FOXP1: variants seen among roughly 807,000 people sequenced by gnomAD.
FOXP1 encodes the protein forkhead box P1, also known as forkhead box protein P1.
Under a neutral mutation model 98.2 loss-of-function variants are expected in FOXP1, and 15 were observed. The observed-to-expected ratio is 0.15, with a 90% CI of 0.10 to 0.24. FOXP1 has a LOEUF of 0.24. Among genes scored for constraint, FOXP1 ranks in the 10% least tolerant of loss-of-function variants. The probability of loss-of-function intolerance (pLI) is 1.00; values close to 1 mark genes in which losing one functional copy is unlikely to be tolerated. For missense variants in FOXP1, 633 were observed against 848.5 expected, an observed-to-expected ratio of 0.75 and a Z score of 3.15; for synonymous variants, 371 against 314.5, an observed-to-expected ratio of 1.18 and a Z score of -1.90.
chr3:71,321,384 A>G (rs2075383292), intron 4 of FOXP1, among the ~76,000 whole-genome samples: 1 of 152,204 alleles, frequency 6.6e-6, no homozygotes. Context: ...GAAATCTGGT[A>G]TGAGCCAGCC....
At position 71,425,855 on chromosome 3, in the gene FOXP1, T is replaced by C. The variant is rs60425923; in HGVS notation, c.-167-66611A>G. 3.3e-3 allele frequency among the ~76,000 whole-genome samples: 498 copies of C among 152,326 alleles called. 2 individuals are homozygous for C. Among genetic ancestry groups the C allele is most frequent in the African/African-American group, 0.012 (480 of 41,582 alleles). On this transcript the variant is annotated intron_variant, in intron 3 of 20. Transcript: ENST00000649528. Reference sequence around the variant, plus strand: ...TCATCCAACATGAAGGGCCATTAAATTGAGCTTATTCAAACTCTTGCAAAT... The same window carrying C: ...TCATCCAACATGAAGGGCCATTAAACTGAGCTTATTCAAACTCTTGCAAAT...
chr3:71,409,908 G>C (rs746923636), intron 3 of FOXP1, among the ~76,000 whole-genome samples: 2 of 152,166 alleles, frequency 1.3e-5, no homozygotes, highest in East Asian at 3.9e-4. Flanking sequence ...TCAGCTACCT[G>C]GAAGGGTGAG....
In FOXP1 at chr3:71,436,532, C is replaced by T. The variant is rs140039959; in HGVS notation, c.-168+56894G>A. Among the ~76,000 whole-genome samples, 810 of 152,150 alleles carry T rather than the reference C, an allele frequency of 5.3e-3. 9 individuals are homozygous for T. The highest frequency in any genetic ancestry group is 0.019 in the African/African-American group (770 of 41,512). On this transcript the variant is annotated intron_variant, in intron 3 of 20. Coordinates refer to ENST00000649528, the MANE Select transcript of FOXP1 (RefSeq NM_001349338.3). ...ACTCACTCTCATAAAAATCAGAAAT[C>T]CTAGTTTTAGAGTCATAAAATATGG...
intron 5 of FOXP1, among the ~76,000 whole-genome samples, chr3:71,262,132 G>A (rs1174222554): frequency 6.6e-6 from 1 of 151,590 alleles, no homozygotes; most frequent in Non-Finnish European, 1.5e-5. Context: ...TGGGCATGGT[G>A]GCACGCACCT....
intron 12 of FOXP1, among the ~76,000 whole-genome samples, chr3:71,010,402 T>C (rs1017384904): frequency 6.6e-6 from 1 of 152,152 alleles, no homozygotes; most frequent in Non-Finnish European, 1.5e-5. Flanking sequence ...CTTAACTCTA[T>C]GCTGGGAATA....
At position 71,232,877 on chromosome 3, in the gene FOXP1, C is replaced by CAAAAAAAAAAAAAAAAAA. The variant is rs59404230; in HGVS notation, c.-11-34503_-11-34486dup. On this transcript the variant is annotated intron_variant, in intron 5 of 20. Coordinates refer to ENST00000649528, the MANE Select transcript of FOXP1 (RefSeq NM_001349338.3). ...CGTGCCACAGAGCAAAACTCTGTCT[C>CAAAAAAAAAAAAAAAAAA]AAAAAAAAAAAAAAAAAAAGCAAGA... Among the ~76,000 whole-genome samples the CAAAAAAAAAAAAAAAAAA allele has an allele frequency of 5.7e-3, 178 of 31,364 alleles. 15 individuals are homozygous for CAAAAAAAAAAAAAAAAAA. Among genetic ancestry groups the CAAAAAAAAAAAAAAAAAA allele is most frequent in the Non-Finnish European group, 6.9e-3 (116 of 16,934 alleles). The allele number at this position is 31,364 out of a possible 152,430, so 20.6% of individuals were successfully genotyped here.
At chr3:71,328,768 T>C (rs1389317546) in intron 4 of FOXP1, among the ~76,000 whole-genome samples, 1 of 150,188 alleles carries the variant, frequency 6.7e-6, no homozygotes, top group Non-Finnish European at 1.5e-5. Flanking sequence ...AGGTTGGGAG[T>C]TCAAGACCAG....
At chr3:71,443,997 C>T (rs1451324448) in intron 3 of FOXP1, among the ~76,000 whole-genome samples, 1 of 152,190 alleles carries the variant, frequency 6.6e-6, no homozygotes, top group African/African-American at 2.4e-5. Flanking sequence ...AGGGGCTTCA[C>T]CAGCCAGCCC....
At chr3:71,235,851 C>T (rs2066724053) in intron 5 of FOXP1, among the ~76,000 whole-genome samples, 2 of 152,172 alleles carry the variant, frequency 1.3e-5, no homozygotes, top group Non-Finnish European at 2.9e-5. Context: ...CAGGTGTGGG[C>T]CACCGCACCC....
In FOXP1 at chr3:70,970,729, A is replaced by ATCTT. The variant is rs776303316; in HGVS notation, c.1722+3_1722+6dup. The ATCTT allele has an allele frequency of 6.2e-7, 1 of 1,612,028 alleles. No individual in the cohort carries two copies. The highest frequency in any genetic ancestry group is 8.5e-7 in the Non-Finnish European group (1 of 1,178,054). On this transcript the variant is annotated splice_region_variant and intron_variant, in intron 19 of 20. Coordinates refer to ENST00000649528, the MANE Select transcript of FOXP1 (RefSeq NM_001349338.3). ...TGCTGCATATTCGGGACGGCCGTTA[A>ATCTT]TCTTACCTGTAAAGCTGCATTGAGA... is the stretch of plus-strand genomic sequence containing the variant.
intron 11 of FOXP1, among the ~76,000 whole-genome samples, chr3:71,036,326 C>T (rs1389289797): frequency 6.6e-6 from 1 of 152,148 alleles, no homozygotes; most frequent in African/African-American, 2.4e-5. Flanking sequence ...GAGTAAAGCG[C>T]CCAGTGTGCG....
At chr3:71,031,745 CA>C (rs142214708) in intron 11 of FOXP1, among the ~76,000 whole-genome samples, 36 of 151,618 alleles carry the variant, frequency 2.4e-4, no homozygotes, top group African/African-American at 8.0e-4. Context: ...AACAAACAAA[CA>C]AAAAACAAAA....
At chr3:70,988,461 C>T (rs1423775684) in intron 13 of FOXP1, among the ~76,000 whole-genome samples, 2 of 152,244 alleles carry the variant, frequency 1.3e-5, no homozygotes, top group African/African-American at 4.8e-5. Flanking sequence ...TGTGGAAAAA[C>T]TCCTAGACAG....
At chr3:71,165,466 T>C (rs959199410) in intron 6 of FOXP1, among the ~76,000 whole-genome samples, 2 of 152,124 alleles carry the variant, frequency 1.3e-5, no homozygotes, top group Non-Finnish European at 2.9e-5. Flanking sequence ...ATTTCAAAAG[T>C]GGTAATAATT....
chr3:71,472,297 T>C (rs926818509), intron 3 of FOXP1, among the ~76,000 whole-genome samples: 3 of 152,126 alleles, frequency 2.0e-5, no homozygotes, highest in Non-Finnish European at 4.4e-5. Context: ...GATTTAGACT[T>C]TCAAGACAGA....
At chr3:71,160,116 G>T (rs1485907133) in intron 6 of FOXP1, among the ~76,000 whole-genome samples, 3 of 152,180 alleles carry the variant, frequency 2.0e-5, no homozygotes, top group Non-Finnish European at 4.4e-5. Context: ...AGGGCCGAAG[G>T]CAGCTCCATC....
intron 3 of FOXP1, among the ~76,000 whole-genome samples, chr3:71,393,491 G>A (rs2081178932): frequency 6.6e-6 from 1 of 152,040 alleles, no homozygotes. Flanking sequence ...CGCAGTGGAT[G>A]CTAATTAGAT....
chr3:71,187,358 G>A (rs2062710089), intron 6 of FOXP1, among the ~76,000 whole-genome samples: 1 of 152,164 alleles, frequency 6.6e-6, no homozygotes, highest in African/African-American at 2.4e-5. Context: ...GGCTGAGGCG[G>A]GTGGATCACC....
chr3:71,553,131 T>G (rs2045892011), intron 2 of FOXP1, among the ~76,000 whole-genome samples: 1 of 152,144 alleles, frequency 6.6e-6, no homozygotes, highest in Non-Finnish European at 1.5e-5. Context: ...CCACAGGTAC[T>G]AGAGTTACCT....
Sources: gnomAD v4.1 joint callset for allele counts (sites outside exome capture counted in the v4.1 genomes callset) on GRCh38, gnomAD v4.1.1 for gene constraint, MANE v1.5 for transcripts, NCBI Gene and HGNC (gene_info 2026-07-23, HGNC 2026-07-21) for gene names.